RAD51B: variants seen among roughly 807,000 people sequenced by gnomAD.
The protein encoded by RAD51B is DNA repair protein RAD51 homolog 2.
In RAD51B, 38 loss-of-function variants were observed where a neutral mutation model predicts 42.2. The ratio of observed to expected loss-of-function variants is 0.90; its 90% CI spans 0.70 to 1.18. The LOEUF is 1.18. RAD51B is among the 50% of genes most tolerant of loss of function. The pLI, the probability that RAD51B is intolerant of heterozygous loss-of-function variation, is 0.00. For missense variants in RAD51B, 373 were observed against 400.7 expected, an observed-to-expected ratio of 0.93 and a Z score of 0.59; for synonymous variants, 154 against 145.2, an observed-to-expected ratio of 1.06 and a Z score of -0.43.
intron 7 of RAD51B, among the ~76,000 whole-genome samples, chr14:67,967,696 C>T (rs2140243631): frequency 6.6e-6 from 1 of 152,308 alleles, no homozygotes; most frequent in South Asian, 2.1e-4. Context: ...TTGGGCAGCT[C>T]TGCACCTGTG....
chr14:68,524,253 C>T (rs1160077273), intron 10 of RAD51B, among the ~76,000 whole-genome samples: 2 of 152,218 alleles, frequency 1.3e-5, no homozygotes, highest in East Asian at 3.9e-4. Flanking sequence ...CTCAAATGAG[C>T]TATGCATGTC....
intron 7 of RAD51B, among the ~76,000 whole-genome samples, chr14:68,145,585 G>A (rs977474816): frequency 1.3e-5 from 2 of 152,108 alleles, no homozygotes; most frequent in African/African-American, 2.4e-5. Context: ...CTTAAAATAG[G>A]TATTTCATTA....
intron 7 of RAD51B, among the ~76,000 whole-genome samples, chr14:68,275,182 T>C (rs1190445847): frequency 1.3e-5 from 2 of 152,226 alleles, no homozygotes; most frequent in African/African-American, 2.4e-5. Flanking sequence ...CTGATTATTA[T>C]GCAGTTTAAC....
At chr14:68,428,043 CT>C (rs1466769714) in intron 9 of RAD51B, among the ~76,000 whole-genome samples, 2 of 152,110 alleles carry the variant, frequency 1.3e-5, no homozygotes, top group Non-Finnish European at 2.9e-5. Flanking sequence ...TCTTTTTCAC[CT>C]TCTCTTTGCC....
intron 7 of RAD51B, among the ~76,000 whole-genome samples, chr14:67,906,867 T>C (rs2043796734): frequency 6.6e-6 from 1 of 151,982 alleles, no homozygotes; most frequent in Non-Finnish European, 1.5e-5. Flanking sequence ...TGGAGTGCAA[T>C]GGCACCATCT....
chr14:67,857,795 C>T (rs924249991), intron 4 of RAD51B: 19 of 153,250 alleles, frequency 1.2e-4, no homozygotes, highest in African/African-American at 4.1e-4. Context: ...CCACCATGCT[C>T]AACCTCTTGC....
intron 10 of RAD51B, among the ~76,000 whole-genome samples, chr14:68,500,529 T>C (rs1316850012): frequency 6.6e-6 from 1 of 152,216 alleles, no homozygotes; most frequent in African/African-American, 2.4e-5. Context: ...ATGTATGTAT[T>C]TTACTAGCAG....
At chr14:68,523,396 G>A (rs991560791) in intron 10 of RAD51B, among the ~76,000 whole-genome samples, 4 of 152,214 alleles carry the variant, frequency 2.6e-5, no homozygotes, top group African/African-American at 4.8e-5. Flanking sequence ...GCCAAGATCT[G>A]TTCGTGATGT....
intron 7 of RAD51B, among the ~76,000 whole-genome samples, chr14:67,963,445 ATATTT>A (rs2074709662): frequency 6.6e-6 from 1 of 152,160 alleles, no homozygotes; most frequent in African/African-American, 2.4e-5. Context: ...TATAATGAGA[ATATTT>A]TAAAGAAAGT....
At chr14:68,587,230 G>C (rs1197562524) in intron 10 of RAD51B, among the ~76,000 whole-genome samples, 1 of 152,130 alleles carries the variant, frequency 6.6e-6, no homozygotes, top group East Asian at 1.9e-4. Flanking sequence ...TGGGTTTTCT[G>C]GTTGTCTTTC....
chr14:68,359,089 C>A (rs2082966800), intron 8 of RAD51B, among the ~76,000 whole-genome samples: 1 of 151,926 alleles, frequency 6.6e-6, no homozygotes, highest in Non-Finnish European at 1.5e-5. Flanking sequence ...ATAGGCCAGC[C>A]TCTCTGAGTT....
chr14:68,271,965 A>C (rs1051592535), intron 7 of RAD51B, among the ~76,000 whole-genome samples: 3 of 152,242 alleles, frequency 2.0e-5, no homozygotes, highest in Non-Finnish European at 1.5e-5. Context: ...AGGCAAATGC[A>C]TGAAGTTATC....
chr14:68,188,011 C>A (rs1295861285), intron 7 of RAD51B, among the ~76,000 whole-genome samples: 1 of 152,082 alleles, frequency 6.6e-6, no homozygotes, highest in Non-Finnish European at 1.5e-5. Flanking sequence ...GATGGGGTTT[C>A]ACCATGTTAA....
chr14:68,258,050 T>TTCC (rs2080791467), intron 7 of RAD51B, among the ~76,000 whole-genome samples: 1 of 152,196 alleles, frequency 6.6e-6, no homozygotes, highest in Non-Finnish European at 1.5e-5. Flanking sequence ...GAGAAATGTA[T>TTCC]TACTAATCAC....
chr14:68,013,641 C>T (rs1008135780), intron 7 of RAD51B, among the ~76,000 whole-genome samples: 3 of 152,050 alleles, frequency 2.0e-5, no homozygotes, highest in Non-Finnish European at 2.9e-5. Context: ...TATTGTATTA[C>T]GTAGAATATA....
At chr14:68,176,667 A>G (rs1297762071) in intron 7 of RAD51B, among the ~76,000 whole-genome samples, 1 of 152,216 alleles carries the variant, frequency 6.6e-6, no homozygotes, top group Non-Finnish European at 1.5e-5. Context: ...TACAGCATTA[A>G]TATTTTATAT....
chr14:68,650,558 A>G (rs139745808), intron 10 of RAD51B, among the ~76,000 whole-genome samples: 79 of 152,340 alleles, frequency 5.2e-4, no homozygotes, highest in African/African-American at 1.9e-3. Flanking sequence ...ACACCTCACT[A>G]TCTAAAATCA....
At chr14:68,208,271 T>C (rs1243904299) in intron 7 of RAD51B, among the ~76,000 whole-genome samples, 2 of 152,152 alleles carry the variant, frequency 1.3e-5, no homozygotes, top group Non-Finnish European at 1.5e-5. Context: ...AAAAACAAGG[T>C]GTGGTAAAGG....
At chr14:67,895,693 G>T (rs1177557256) in intron 7 of RAD51B, among the ~76,000 whole-genome samples, 1 of 152,056 alleles carries the variant, frequency 6.6e-6, no homozygotes, top group African/African-American at 2.4e-5. Context: ...AATATTTATT[G>T]AATGATTAAG....
Sources: allele counts gnomAD v4.1 joint callset (sites outside exome capture counted in the v4.1 genomes callset), GRCh38; gene constraint gnomAD v4.1.1; transcripts MANE v1.5; gene names NCBI Gene and HGNC (gene_info 2026-07-23, HGNC 2026-07-21).